OSBPL6: variants seen among roughly 807,000 people sequenced by gnomAD.
The protein encoded by OSBPL6 is oxysterol binding protein like 6, also known as oxysterol-binding protein-related protein 6.
Under a neutral mutation model 125.8 loss-of-function variants are expected in OSBPL6, and 49 were observed. The ratio of observed to expected loss-of-function variants is 0.39; its 90% CI spans 0.31 to 0.49. The LOEUF (loss-of-function observed/expected upper bound fraction) is 0.49. Ranked by LOEUF, OSBPL6 falls within the 20% of genes least tolerant of loss-of-function variation. The probability of loss-of-function intolerance (pLI) is 0.88; values close to 1 mark genes in which losing one functional copy is unlikely to be tolerated. For synonymous variants in OSBPL6, 394 were observed against 391.8 expected (o/e 1.01, Z -0.07); for missense variants, 986 against 1,135.4 (o/e 0.87, Z 1.89).
chr2:178,345,967 A>G (rs1395687200), intron 11 of OSBPL6, among the ~76,000 whole-genome samples: 1 of 152,222 alleles, frequency 6.6e-6, no homozygotes, highest in Admixed American at 6.5e-5. Flanking sequence ...CCCACCTCCC[A>G]GGGTGACTAT....
chr2:178,228,363 A>G (rs13018709), intron 1 of OSBPL6, among the ~76,000 whole-genome samples: 51,539 of 151,644 alleles, frequency 0.34, 11,038 homozygotes, highest in East Asian at 0.69. Context: ...GTGAAACACC[A>G]TCTCTACTAA....
chr2:178,357,797 C>T (rs1484693938), intron 12 of OSBPL6, among the ~76,000 whole-genome samples: 5 of 152,100 alleles, frequency 3.3e-5, no homozygotes, highest in African/African-American at 9.7e-5. Flanking sequence ...ATGTTTATTG[C>T]GGCACTATTC....
chr2:178,250,200 TC>T (rs1171737899), intron 1 of OSBPL6, among the ~76,000 whole-genome samples: 1 of 152,234 alleles, frequency 6.6e-6, no homozygotes, highest in Non-Finnish European at 1.5e-5. Context: ...TCCTGTAGCA[TC>T]TTCCTAAGTA....
intron 1 of OSBPL6, among the ~76,000 whole-genome samples, chr2:178,237,198 C>G (rs777676402): frequency 1.3e-5 from 2 of 152,168 alleles, no homozygotes; most frequent in Non-Finnish European, 2.9e-5. Context: ...CCTTTCGTGT[C>G]CTTCTAGTTG....
chr2:178,249,831 T>TTG (rs1290512812), intron 1 of OSBPL6, among the ~76,000 whole-genome samples: 6 of 148,960 alleles, frequency 4.0e-5, no homozygotes, highest in African/African-American at 1.5e-4. Flanking sequence ...AGAAGTGTTT[T>TTG]TTTTTTTTTT....
At chr2:178,209,201 T>C (rs2089711458) in intron 1 of OSBPL6, among the ~76,000 whole-genome samples, 1 of 152,114 alleles carries the variant, frequency 6.6e-6, no homozygotes, top group South Asian at 2.1e-4. Context: ...CTTTTCCCTG[T>C]TCTCTTTTTC....
intron 3 of OSBPL6, among the ~76,000 whole-genome samples, chr2:178,318,633 C>T (rs1051136038): frequency 6.6e-6 from 1 of 152,198 alleles, no homozygotes; most frequent in Non-Finnish European, 1.5e-5. Context: ...ACTGCTGTTG[C>T]CTTCCCATTA....
intron 1 of OSBPL6, among the ~76,000 whole-genome samples, chr2:178,212,024 C>T (rs2089884756): frequency 1.3e-5 from 2 of 152,106 alleles, no homozygotes; most frequent in Admixed American, 1.3e-4. Context: ...CCATATCATG[C>T]AAGGGAGAAA....
chr2:178,262,501 TTATGATCAAAA>T (rs2092095830), intron 1 of OSBPL6, among the ~76,000 whole-genome samples: 1 of 152,210 alleles, frequency 6.6e-6, no homozygotes, highest in African/African-American at 2.4e-5. Flanking sequence ...GGCAAGGATT[TTATGATCAAAA>T]TAAATGATAC....
At position 178,394,388 on chromosome 2, in the gene OSBPL6, A is replaced by G. The variant is rs1317663988; in HGVS notation, c.2649A>G (p.Arg883=). 1.2e-6 allele frequency: 2 copies of G among 1,613,256 alleles called. No homozygotes were observed. The highest frequency in any genetic ancestry group is 1.3e-5 in the African/African-American group (1 of 74,980). ...TAGAGGAACTCCAGAGATCTCGGAG[A>G]CGATATATGGAAGAAAACAATCTTG... The part of the protein sequence containing the change: ...QRVEELQRSR[R]RYMEENNLEH... Residue 883 remains arginine, a synonymous_variant, in exon 24 of 25, where the codon AGA becomes AGG. Coordinates refer to ENST00000190611, the MANE Select transcript of OSBPL6 (RefSeq NM_032523.4).
At chr2:178,284,183 T>G (rs976591947) in intron 1 of OSBPL6, among the ~76,000 whole-genome samples, 8 of 152,340 alleles carry the variant, frequency 5.3e-5, no homozygotes, top group African/African-American at 1.4e-4. Context: ...AGACTGTTCA[T>G]GCGTTTTTTT....
chr2:178,396,181 A>G lies in OSBPL6; in HGVS notation c.*622A>G, dbSNP rs1308654018. On this transcript the variant is annotated 3_prime_UTR_variant, in exon 25 of 25. Transcript: ENST00000190611. ...GCTCATAGGTTTATGTGAAGAACAG[A>G]TTTTTTGAATCATGGCATGATTCAC... is the stretch of plus-strand genomic sequence containing the variant. The G allele has an allele frequency of 6.2e-6, 1 of 160,544 alleles. No homozygotes were observed. The highest frequency in any genetic ancestry group is 2.4e-5 in the African/African-American group (1 of 41,530). The allele number at this position is 160,544 out of a possible 1,614,324, so 9.9% of individuals were successfully genotyped here.
intron 1 of OSBPL6, among the ~76,000 whole-genome samples, chr2:178,256,595 C>T (rs1434887472): frequency 6.6e-6 from 1 of 152,164 alleles, no homozygotes; most frequent in South Asian, 2.1e-4. Context: ...CTGAGGAGTT[C>T]ACCAGGTCAT....
chr2:178,375,719 G>T (rs1042106435), intron 15 of OSBPL6, among the ~76,000 whole-genome samples: 4 of 152,010 alleles, frequency 2.6e-5, no homozygotes, highest in African/African-American at 9.7e-5. Flanking sequence ...CACTGCGCCC[G>T]ACCCCTTCAT....
intron 1 of OSBPL6, among the ~76,000 whole-genome samples, chr2:178,257,373 T>C (rs534709767): frequency 6.6e-6 from 1 of 152,334 alleles, no homozygotes; most frequent in East Asian, 1.9e-4. Flanking sequence ...TGATGCAAAA[T>C]GAATCATATA....
At chr2:178,352,869 C>G (rs1313728253) in intron 12 of OSBPL6, among the ~76,000 whole-genome samples, 1 of 152,126 alleles carries the variant, frequency 6.6e-6, no homozygotes, top group Non-Finnish European at 1.5e-5. Flanking sequence ...AGGTGGGTGC[C>G]TCTCTGAGAC....
chr2:178,304,581 T>A (rs1686589105), intron 2 of OSBPL6, among the ~76,000 whole-genome samples: 1 of 152,124 alleles, frequency 6.6e-6, no homozygotes, highest in Non-Finnish European at 1.5e-5. Context: ...CCAAACCATA[T>A]CACAAGCTGT....
intron 1 of OSBPL6, among the ~76,000 whole-genome samples, chr2:178,209,910 T>C (rs946713945): frequency 2.0e-5 from 3 of 151,826 alleles, no homozygotes; most frequent in Admixed American, 6.6e-5. Context: ...CAAGACATGG[T>C]GCCTTTTTTT....
At chr2:178,280,627 T>C (rs1216802351) in intron 1 of OSBPL6, among the ~76,000 whole-genome samples, 1 of 152,236 alleles carries the variant, frequency 6.6e-6, no homozygotes, top group Non-Finnish European at 1.5e-5. Flanking sequence ...GTGCATTTAA[T>C]AGCAAAATAG....
Sources: allele counts gnomAD v4.1 joint callset (sites outside exome capture counted in the v4.1 genomes callset), GRCh38; gene constraint gnomAD v4.1.1; transcripts MANE v1.5; gene names NCBI Gene and HGNC (gene_info 2026-07-23, HGNC 2026-07-21).